Variants in SND1 observed in about 807,000 individuals in gnomAD.
SND1 encodes staphylococcal nuclease domain-containing protein 1.
SND1 carries 38 observed loss-of-function variants against 121.7 expected under a neutral mutation model. The observed-to-expected ratio is 0.31, with a 90% confidence interval of 0.24 to 0.41. SND1 has a LOEUF of 0.41. SND1 is among the 10% of genes least tolerant of loss of function. SND1 has a pLI of 1.00. For synonymous variants in SND1, 401 were observed against 447.4 expected (o/e 0.90, Z 1.31); for missense variants, 868 against 1,184.6 (o/e 0.73, Z 3.92).
chr7:127,709,025 T>TCTA (rs1796254042), intron 9 of SND1, among the ~76,000 whole-genome samples: 1 of 152,100 alleles, frequency 6.6e-6, no homozygotes, highest in Non-Finnish European at 1.5e-5. Context: ...CACAGAGTGG[T>TCTA]CTAGTGGCCT....
At position 127,997,669 on chromosome 7, in the gene SND1, T is replaced by C. The variant is rs772550590; in HGVS notation, c.1779+6613T>C. On this transcript the variant is annotated intron_variant, in intron 16 of 23. Coordinates refer to ENST00000354725, the MANE Select transcript of SND1 (RefSeq NM_014390.4). Reference sequence around the variant, plus strand: ...ATAAAGTCTTATCTCAGTTTACATATATTCTTGATAACCTCTCCAACTTTA... The same window carrying C: ...ATAAAGTCTTATCTCAGTTTACATACATTCTTGATAACCTCTCCAACTTTA... 7 of 519,560 alleles carry C rather than the reference T, an allele frequency of 1.3e-5. No homozygotes were observed. The Admixed American group carries it at 1.4e-4, about 10-fold the overall frequency. 32.2% of individuals were successfully genotyped at this position (519,560 alleles called of 1,614,324 possible). A position where few individuals can be genotyped will look rare whatever the true frequency, so the allele number is the denominator to read the frequency against.
intron 13 of SND1, among the ~76,000 whole-genome samples, chr7:127,903,710 C>G (rs1800278996): frequency 6.6e-6 from 1 of 152,164 alleles, no homozygotes; most frequent in Non-Finnish European, 1.5e-5. Flanking sequence ...CTGAAAGTAA[C>G]CCCTGCAGAA....
intron 5 of SND1, 60 bp from the exon 6 acceptor site, chr7:127,702,375 C>T: frequency 6.9e-7 from 1 of 1,459,844 alleles, no homozygotes; most frequent in Non-Finnish European, 9.6e-7. Context: ...TTTGATTGGG[C>T]AGTGTTTATC....
intron 10 of SND1, among the ~76,000 whole-genome samples, chr7:127,776,490 T>C (rs1797623035): frequency 6.6e-6 from 1 of 152,200 alleles, no homozygotes; most frequent in African/African-American, 2.4e-5. Flanking sequence ...AAATGAAATA[T>C]ATCTTTAAAA....
At chr7:127,991,593 TC>T (rs1802525837) in intron 16 of SND1, among the ~76,000 whole-genome samples, 1 of 152,204 alleles carries the variant, frequency 6.6e-6, no homozygotes, top group Non-Finnish European at 1.5e-5. Context: ...CATCAACAGA[TC>T]CATCTTCTTT....
intron 10 of SND1, among the ~76,000 whole-genome samples, chr7:127,726,728 T>A (rs986879991): frequency 6.6e-6 from 1 of 152,188 alleles, no homozygotes; most frequent in African/African-American, 2.4e-5. Flanking sequence ...GGCTGACTTA[T>A]TCTCCCTGAA....
intron 16 of SND1, among the ~76,000 whole-genome samples, chr7:128,031,816 G>A (rs1792622507): frequency 6.7e-6 from 1 of 149,026 alleles, no homozygotes; most frequent in South Asian, 2.1e-4. Flanking sequence ...GCGCGCCGCC[G>A]GCTCCGGCTT....
intron 12 of SND1, chr7:127,858,336 G>A (rs1364068567): frequency 6.9e-6 from 9 of 1,308,806 alleles, no homozygotes; most frequent in South Asian, 2.5e-5. Context: ...CCTCCTCCTC[G>A]GGCCCCCAGA....
chr7:127,853,534 G>A (rs925672987), intron 12 of SND1, among the ~76,000 whole-genome samples: 1 of 152,104 alleles, frequency 6.6e-6, no homozygotes, highest in African/African-American at 2.4e-5. Flanking sequence ...GTTAATGAAT[G>A]GTCTCTGTTA....
At chr7:127,680,660 C>T (rs1795706581) in intron 1 of SND1, among the ~76,000 whole-genome samples, 1 of 151,486 alleles carries the variant, frequency 6.6e-6, no homozygotes, top group Non-Finnish European at 1.5e-5. Flanking sequence ...TTATCCTGTT[C>T]TTTTTTCAAG....
At chr7:127,715,093 C>T (rs754328440) in intron 9 of SND1, among the ~76,000 whole-genome samples, 14 of 151,446 alleles carry the variant, frequency 9.2e-5, no homozygotes, top group African/African-American at 1.5e-4. Flanking sequence ...CATTTTACAT[C>T]GGTGCACGAG....
chr7:127,850,978 T>C (rs1799155346), intron 12 of SND1, among the ~76,000 whole-genome samples: 1 of 152,188 alleles, frequency 6.6e-6, no homozygotes. Flanking sequence ...CAGGAAAATA[T>C]TGTTGAGTTT....
At chr7:127,817,861 G>A (rs1798476025) in intron 11 of SND1, among the ~76,000 whole-genome samples, 1 of 150,436 alleles carries the variant, frequency 6.6e-6, no homozygotes, top group South Asian at 2.1e-4. Flanking sequence ...TCCCAGGTCT[G>A]ACCTTCCTCC....
At chr7:127,873,521 C>G (rs557084874) in intron 12 of SND1, among the ~76,000 whole-genome samples, 2 of 152,210 alleles carry the variant, frequency 1.3e-5, no homozygotes, top group Non-Finnish European at 2.9e-5. Context: ...TTCAAGACTT[C>G]TTGAAGCCTA....
At chr7:127,786,046 C>G (rs757083007) in intron 10 of SND1, among the ~76,000 whole-genome samples, 1 of 151,800 alleles carries the variant, frequency 6.6e-6, no homozygotes, top group African/African-American at 2.4e-5. Flanking sequence ...GACATTTTTG[C>G]GGACACTTCC....
chr7:127,739,041 G>A (rs990814579), intron 10 of SND1, among the ~76,000 whole-genome samples: 8 of 152,194 alleles, frequency 5.3e-5, no homozygotes, highest in Non-Finnish European at 1.0e-4. Flanking sequence ...AGCTTGGAGC[G>A]ACATTGGCTC....
Position 128,015,208 on chromosome 7 carries a change from A to T in SND1, c.1779+24152A>T, listed in dbSNP as rs1411589068. Among the ~76,000 whole-genome samples, 2 of 152,180 alleles carry T rather than the reference A, an allele frequency of 1.3e-5. No homozygotes were observed. The highest frequency in any genetic ancestry group is 2.9e-5 in the Non-Finnish European group (2 of 68,028). ...CCCTCTCCTGCCCTGCTTTCCCAAG[A>T]TGAAGGGGCTGGGTCAGGCCTTGCC... On this transcript the variant is annotated intron_variant, in intron 16 of 23. Coordinates refer to ENST00000354725, the MANE Select transcript of SND1 (RefSeq NM_014390.4). This position sits in a 1 kb window ranked among gnomAD's most constrained non-coding sequence, Gnocchi z 4.5.
intron 10 of SND1, among the ~76,000 whole-genome samples, chr7:127,725,271 G>T (rs1796562647): frequency 6.6e-6 from 1 of 152,134 alleles, no homozygotes; most frequent in Non-Finnish European, 1.5e-5. Flanking sequence ...AGTATTCATG[G>T]CATAGATGTT....
chr7:127,942,816 G>A (rs1293630706), intron 15 of SND1, among the ~76,000 whole-genome samples: 2 of 152,106 alleles, frequency 1.3e-5, no homozygotes, highest in African/African-American at 4.8e-5. Flanking sequence ...TCTTCTAATA[G>A]CTGTTGGAAT....
Sources: gnomAD v4.1 joint callset for allele counts (sites outside exome capture counted in the v4.1 genomes callset) on GRCh38, gnomAD v4.1.1 for gene constraint, Gnocchi (gnomAD v3.1) non-coding constraint, MANE v1.5 for transcripts, NCBI Gene and HGNC (gene_info 2026-07-23, HGNC 2026-07-21) for gene names.